Variants in ERAP1 observed in about 807,000 individuals in gnomAD.
ERAP1 encodes the protein endoplasmic reticulum aminopeptidase 1.
ERAP1 carries 86 observed loss-of-function variants against 103.7 expected under a neutral mutation model. The ratio of observed to expected loss-of-function variants is 0.83; its 90% CI spans 0.70 to 0.99. ERAP1 has a LOEUF of 0.99. Ranked by LOEUF, ERAP1 falls within the 50% of genes least tolerant of loss-of-function variation. The pLI, the probability that ERAP1 is intolerant of heterozygous loss-of-function variation, is 0.00. For synonymous variants in ERAP1, 398 were observed against 402.4 expected, an observed-to-expected ratio of 0.99 and a Z score of 0.13; for missense variants, 1,009 against 1,128.4, an observed-to-expected ratio of 0.89 and a Z score of 1.52.
chr5:96,870,632 G>C, the ERAP1 span, among the ~76,000 whole-genome samples: 1 of 152,112 alleles, frequency 6.6e-6, no homozygotes, highest in South Asian at 2.1e-4. Flanking sequence ...TTGATGTAGT[G>C]AGTTAATAAA....
At chr5:96,777,906 C>CTCT (rs1319285687) in intron 18 of ERAP1, among the ~76,000 whole-genome samples, 1 of 152,196 alleles carries the variant, frequency 6.6e-6, no homozygotes, top group African/African-American at 2.4e-5. Context: ...TCAGACTTGG[C>CTCT]TCTTTAAGAA....
At chr5:96,825,971 T>C in the ERAP1 span, among the ~76,000 whole-genome samples, 78 of 152,342 alleles carry the variant, frequency 5.1e-4, no homozygotes, top group Middle Eastern at 3.4e-3. Flanking sequence ...GCACCAAGCA[T>C]AGTATGTGGT....
At chr5:96,847,022 T>C in the ERAP1 span, among the ~76,000 whole-genome samples, 7 of 149,882 alleles carry the variant, frequency 4.7e-5, no homozygotes, top group African/African-American at 1.5e-4. Flanking sequence ...ATGGATTGCC[T>C]GAGCTCAAGA....
the ERAP1 span, among the ~76,000 whole-genome samples, chr5:96,833,794 A>T: frequency 1.9e-5 from 1 of 52,684 alleles, no homozygotes; most frequent in African/African-American, 5.3e-5. Flanking sequence ...AAGGCTCGGA[A>T]AAAAAAAAAA....
chr5:96,917,905 CA>C, the ERAP1 span: 163 of 50,262 alleles, frequency 3.2e-3, no homozygotes, highest in Middle Eastern at 0.012. Context: ...GACTCTGTCT[CA>C]AAAAAAAAAA....
chr5:96,882,254 C>T, the ERAP1 span, among the ~76,000 whole-genome samples: 6 of 152,212 alleles, frequency 3.9e-5, no homozygotes, highest in South Asian at 2.1e-4. Context: ...TTTCAAATGC[C>T]GAAGGCCCCA....
At chr5:96,873,837 G>A in the ERAP1 span, among the ~76,000 whole-genome samples, 1 of 152,108 alleles carries the variant, frequency 6.6e-6, no homozygotes, top group African/African-American at 2.4e-5. Context: ...ATGTTCTAGT[G>A]AGGAGACAAG....
At chr5:96,836,347 C>T in the ERAP1 span, among the ~76,000 whole-genome samples, 1 of 151,830 alleles carries the variant, frequency 6.6e-6, no homozygotes, top group South Asian at 2.1e-4. Flanking sequence ...GACTACAGGC[C>T]TGAGCCACCA....
the ERAP1 span, among the ~76,000 whole-genome samples, chr5:96,816,253 T>A: frequency 6.6e-6 from 1 of 152,176 alleles, no homozygotes; most frequent in Non-Finnish European, 1.5e-5. Context: ...CATTCTTTCT[T>A]AACGAATTAT....
At chr5:96,768,163 G>C (rs954393474) in intron 19 of ERAP1, among the ~76,000 whole-genome samples, 3 of 152,112 alleles carry the variant, frequency 2.0e-5, no homozygotes, top group African/African-American at 4.8e-5. Context: ...AGCTTACTGC[G>C]ATCTCTGCTT....
chr5:96,865,852 C>T, the ERAP1 span, among the ~76,000 whole-genome samples: 18 of 152,270 alleles, frequency 1.2e-4, no homozygotes, highest in African/African-American at 3.1e-4. Context: ...TCCACACAAG[C>T]GGTGCAATAC....
chr5:96,838,084 G>C, the ERAP1 span, among the ~76,000 whole-genome samples: 3 of 152,130 alleles, frequency 2.0e-5, no homozygotes. Flanking sequence ...GGTGGTTTTG[G>C]GAAAGGCAAC....
At chr5:96,901,607 A>G in the ERAP1 span, 4 of 1,613,948 alleles carry the variant, frequency 2.5e-6, no homozygotes, top group Non-Finnish European at 3.4e-6. Context: ...ACGGGTGTTC[A>G]CTCCGACTGC....
At chr5:96,892,368 C>T in the ERAP1 span, 46,455 of 1,613,902 alleles carry the variant, frequency 0.029, 776 homozygotes, top group Middle Eastern at 0.053. Flanking sequence ...TATAGGGAGA[C>T]GTCACTGCTT....
At chr5:96,932,851 G>A in the ERAP1 span, among the ~76,000 whole-genome samples, 1 of 152,094 alleles carries the variant, frequency 6.6e-6, no homozygotes, top group Admixed American at 6.5e-5. Flanking sequence ...CAAATTAATG[G>A]TTTTCAAGTG....
At chr5:96,916,913 C>T in the ERAP1 span, among the ~76,000 whole-genome samples, 2 of 152,054 alleles carry the variant, frequency 1.3e-5, no homozygotes, top group African/African-American at 4.8e-5. Flanking sequence ...CATTTAACTT[C>T]TTTAGCCACA....
At chr5:96,764,120 C>T (rs1364916964) in intron 19 of ERAP1, among the ~76,000 whole-genome samples, 1 of 152,150 alleles carries the variant, frequency 6.6e-6, no homozygotes, top group African/African-American at 2.4e-5. Context: ...ATATTAAACA[C>T]ATTTTAATTG....
chr5:96,832,978 C>T, the ERAP1 span, among the ~76,000 whole-genome samples: 3 of 152,080 alleles, frequency 2.0e-5, no homozygotes, highest in Non-Finnish European at 4.4e-5. Context: ...AAAAGGGATC[C>T]CGGGGAGTAA....
intron 13 of ERAP1, 159 bp downstream of exon 13, chr5:96,785,629 A>T (rs1775890569): frequency 1.3e-6 from 1 of 744,868 alleles, no homozygotes; most frequent in Non-Finnish European, 2.3e-6. Context: ...GAGGTTAATT[A>T]TAAGACTAAA....
Sources: allele counts gnomAD v4.1 joint callset (sites outside exome capture counted in the v4.1 genomes callset), GRCh38; gene constraint gnomAD v4.1.1; transcripts MANE v1.5; gene names NCBI Gene and HGNC (gene_info 2026-07-23, HGNC 2026-07-21).